Variants in TP63 observed in about 807,000 individuals in gnomAD.
TP63 encodes the protein tumor protein p63.
A neutral mutation model predicts 82.8 loss-of-function variants in TP63; 17 were observed. That is an observed-to-expected ratio of 0.21 (90% CI 0.14 to 0.31). The LOEUF (loss-of-function observed/expected upper bound fraction) is 0.31, where lower values mean the gene tolerates loss of function less well. Ranked by LOEUF, TP63 falls within the 10% of genes least tolerant of loss-of-function variation. The probability of loss-of-function intolerance (pLI) is 1.00; values close to 1 mark genes in which losing one functional copy is unlikely to be tolerated. For synonymous variants in TP63, 330 were observed against 321.7 expected (o/e 1.03, Z -0.28); for missense variants, 648 against 895.3 (o/e 0.72, Z 3.52).
At chr3:189,708,070 C>G (rs1461374599) in intron 1 of TP63, among the ~76,000 whole-genome samples, 1 of 151,798 alleles carries the variant, frequency 6.6e-6, no homozygotes, top group East Asian at 1.9e-4. Context: ...TTTTTTCGTT[C>G]CTTCTTTATT....
intron 3 of TP63, among the ~76,000 whole-genome samples, chr3:189,772,245 C>T (rs1418551320): frequency 6.6e-6 from 1 of 152,190 alleles, no homozygotes; most frequent in African/African-American, 2.4e-5. Flanking sequence ...TGTCACTGCT[C>T]AAACTGGCTT....
At chr3:189,854,725 G>C (rs143977163) in intron 4 of TP63, among the ~76,000 whole-genome samples, 1 of 152,268 alleles carries the variant, frequency 6.6e-6, no homozygotes, top group East Asian at 1.9e-4. Context: ...TATGTTCATG[G>C]AAAAGTAAAA....
intron 1 of TP63, among the ~76,000 whole-genome samples, chr3:189,680,716 G>T (rs1273826486): frequency 1.3e-5 from 2 of 152,192 alleles, no homozygotes; most frequent in Non-Finnish European, 2.9e-5. Context: ...CTGGCATGGA[G>T]TCAGGGTCCA....
intron 1 of TP63, among the ~76,000 whole-genome samples, chr3:189,669,833 C>T (rs779164209): frequency 1.3e-5 from 2 of 151,788 alleles, no homozygotes; most frequent in Non-Finnish European, 2.9e-5. Flanking sequence ...ATATGACTCA[C>T]CCAAAAGTGG....
intron 1 of TP63, among the ~76,000 whole-genome samples, chr3:189,672,999 C>G (rs559572027): frequency 1.2e-4 from 18 of 152,196 alleles, no homozygotes; most frequent in Admixed American, 1.0e-3. Context: ...TGCCACCACG[C>G]CTGGCTAATT....
At chr3:189,627,576 C>T (rs114881631), upstream of TP63, among the ~76,000 whole-genome samples, 2,055 of 152,252 alleles carry the variant, frequency 0.013, 25 homozygotes, top group East Asian at 0.045. Context: ...TCTTCAGTAG[C>T]GTTAGCCACA....
intron 4 of TP63, among the ~76,000 whole-genome samples, chr3:189,855,232 T>G (rs1014151693): frequency 5.9e-5 from 9 of 152,158 alleles, no homozygotes; most frequent in African/African-American, 1.9e-4. Flanking sequence ...GCATGAAAGT[T>G]AAAAGGACCC....
chr3:189,828,107 G>A (rs1711703022), intron 4 of TP63, among the ~76,000 whole-genome samples: 1 of 152,092 alleles, frequency 6.6e-6, no homozygotes, highest in Non-Finnish European at 1.5e-5. Flanking sequence ...TGGGCTAGGT[G>A]GTGGGCGCCT....
chr3:189,872,717 G>A (rs1718582562), intron 9 of TP63, 142 bp from the exon 10 acceptor site: 2 of 1,294,384 alleles, frequency 1.5e-6, no homozygotes, highest in Non-Finnish European at 1.1e-6. Context: ...AGGGCCAAGA[G>A]TGTTGATTTT....
At chr3:189,736,123 A>G (rs996247229) in intron 1 of TP63, among the ~76,000 whole-genome samples, 2 of 148,608 alleles carry the variant, frequency 1.3e-5, no homozygotes, top group Non-Finnish European at 3.0e-5. Flanking sequence ...AATATTTTAA[A>G]TGATATATAT....
At chr3:189,784,008 A>G (rs988397260) in intron 3 of TP63, among the ~76,000 whole-genome samples, 6 of 151,986 alleles carry the variant, frequency 3.9e-5, no homozygotes, top group African/African-American at 1.4e-4. Context: ...TATGATCTCA[A>G]TCTTGTTTAT....
intron 3 of TP63, among the ~76,000 whole-genome samples, chr3:189,753,421 C>CT (rs1399893837): frequency 2.6e-5 from 4 of 151,848 alleles, no homozygotes; most frequent in African/African-American, 9.7e-5. Context: ...CTGATAATTG[C>CT]TTTTTTCCGA....
At chr3:189,871,867 G>A in intron 9 of TP63, among the ~76,000 whole-genome samples, 1 of 152,150 alleles carries the variant, frequency 6.6e-6, no homozygotes, top group East Asian at 1.9e-4. Flanking sequence ...GACCACAGGT[G>A]TGGGCCACCA....
intron 1 of TP63, among the ~76,000 whole-genome samples, chr3:189,660,718 T>G (rs548072281): frequency 9.2e-5 from 14 of 152,172 alleles, no homozygotes; most frequent in Non-Finnish European, 1.6e-4. Flanking sequence ...TTTTCATTTG[T>G]TTGTGTCATC....
chr3:189,713,229 C>T (rs1258635523), intron 1 of TP63, among the ~76,000 whole-genome samples: 1 of 152,170 alleles, frequency 6.6e-6, no homozygotes, highest in Non-Finnish European at 1.5e-5. Context: ...ACACTTAACA[C>T]ACTGCCTGGC....
chr3:189,727,005 G>A (rs990031485), intron 1 of TP63, among the ~76,000 whole-genome samples: 1 of 152,162 alleles, frequency 6.6e-6, no homozygotes, highest in Non-Finnish European at 1.5e-5. Context: ...AATAAATATG[G>A]CAGTGTCCTT....
At chr3:189,777,548 G>A (rs13095322) in intron 3 of TP63, among the ~76,000 whole-genome samples, 11,342 of 151,950 alleles carry the variant, frequency 0.075, 562 homozygotes, top group Admixed American at 0.14. Context: ...TTTGTCCTAT[G>A]CTGTTTCTTA....
chr3:189,733,119 G>A (rs1720295031), intron 1 of TP63, among the ~76,000 whole-genome samples: 1 of 151,724 alleles, frequency 6.6e-6, no homozygotes, highest in Non-Finnish European at 1.5e-5. Flanking sequence ...AGAAATACAG[G>A]GAAATGACTT....
intron 10 of TP63, among the ~76,000 whole-genome samples, chr3:189,878,801 A>C (rs796308877): frequency 8.8e-6 from 1 of 114,272 alleles, no homozygotes; most frequent in African/African-American, 3.5e-5. Flanking sequence ...TTGGTAATGA[A>C]GAAAAACCAT....
Sources: allele counts gnomAD v4.1 joint callset (sites outside exome capture counted in the v4.1 genomes callset), GRCh38; gene constraint gnomAD v4.1.1; transcripts MANE v1.5; gene names NCBI Gene and HGNC (gene_info 2026-07-23, HGNC 2026-07-21).